Variants in SPSB4 observed in about 807,000 individuals in gnomAD.
SPSB4 encodes splA/ryanodine receptor domain and SOCS box containing 4.
Under a neutral mutation model 20.9 loss-of-function variants are expected in SPSB4, and 21 were observed. The ratio of observed to expected loss-of-function variants is 1.01; its 90% CI spans 0.71 to 1.45. SPSB4 has a LOEUF of 1.45. Ranked by LOEUF, SPSB4 falls within the 40% of genes most tolerant of loss-of-function variation. SPSB4 has a pLI of 0.00. For missense variants in SPSB4, 399 were observed against 399.2 expected, an observed-to-expected ratio of 1.00 and a Z score of 0.00; for synonymous variants, 207 against 183.8, an observed-to-expected ratio of 1.13 and a Z score of -1.02.
intron 1 of SPSB4, among the ~76,000 whole-genome samples, chr3:141,061,036 T>C (rs1411947402): frequency 1.3e-5 from 2 of 152,252 alleles, no homozygotes; most frequent in African/African-American, 2.4e-5. Context: ...TTACAAGTGC[T>C]TTCAGCTACA....
chr3:141,111,961 T>C (rs1026733426), intron 2 of SPSB4, among the ~76,000 whole-genome samples: 7 of 152,140 alleles, frequency 4.6e-5, no homozygotes, highest in African/African-American at 1.7e-4. Flanking sequence ...GCTTCCCGTC[T>C]CTCCGCTAAA....
intron 2 of SPSB4, 141 bp from the exon 3 acceptor site, chr3:141,147,001 A>G: frequency 8.7e-7 from 1 of 1,148,618 alleles, no homozygotes; most frequent in Non-Finnish European, 1.2e-6. Context: ...ATGTAACCAG[A>G]GAAATCTTCT....
intron 2 of SPSB4, among the ~76,000 whole-genome samples, chr3:141,143,556 G>A (rs888328847): frequency 2.0e-5 from 3 of 152,230 alleles, no homozygotes; most frequent in Non-Finnish European, 4.4e-5. Context: ...AGAGTCTTTG[G>A]TTATAGATGT....
intron 2 of SPSB4, among the ~76,000 whole-genome samples, chr3:141,146,029 C>T (rs1376405197): frequency 6.6e-6 from 1 of 152,182 alleles, no homozygotes; most frequent in Admixed American, 6.5e-5. Flanking sequence ...ATATTACACT[C>T]TATTAAAATG....
chr3:141,054,861 A>C (rs1204658963), intron 1 of SPSB4, among the ~76,000 whole-genome samples: 1 of 151,970 alleles, frequency 6.6e-6, no homozygotes, highest in Non-Finnish European at 1.5e-5. Context: ...GCTGCTGGGG[A>C]GGCTGAGGCA....
chr3:141,116,058 T>C (rs375306630), intron 2 of SPSB4, among the ~76,000 whole-genome samples: 1 of 152,236 alleles, frequency 6.6e-6, no homozygotes, highest in Non-Finnish European at 1.5e-5. Context: ...GTTTATACTA[T>C]TTAGCAAGAG....
intron 2 of SPSB4, among the ~76,000 whole-genome samples, chr3:141,077,941 C>T (rs555644517): frequency 5.3e-4 from 80 of 152,328 alleles, no homozygotes; most frequent in African/African-American, 1.8e-3. Flanking sequence ...ATCAACTGCA[C>T]GTCTGCCATG....
At chr3:141,053,372 A>G (rs933062457) in intron 1 of SPSB4, among the ~76,000 whole-genome samples, 1 of 152,180 alleles carries the variant, frequency 6.6e-6, no homozygotes, top group Admixed American at 6.5e-5. Flanking sequence ...AAAGAATTTA[A>G]GCCACCTTTG....
intron 2 of SPSB4, among the ~76,000 whole-genome samples, chr3:141,134,073 T>TTTTTTTTTTTTTTTTTTG: frequency 6.8e-6 from 1 of 146,450 alleles, no homozygotes; most frequent in South Asian, 2.2e-4. Context: ...TTTTTTTTTT[T>TTTTTTTTTTTTTTTTTTG]TTGCAGCTGT....
chr3:141,119,480 A>C (rs1231067721), intron 2 of SPSB4, among the ~76,000 whole-genome samples: 2 of 152,028 alleles, frequency 1.3e-5, no homozygotes, highest in African/African-American at 4.8e-5. Flanking sequence ...AATACCCTTT[A>C]TTTCTTTCTC....
intron 2 of SPSB4, among the ~76,000 whole-genome samples, chr3:141,105,833 A>C (rs941659292): frequency 1.3e-5 from 2 of 152,252 alleles, no homozygotes; most frequent in Non-Finnish European, 2.9e-5. Context: ...TTTTTAAAAA[A>C]ATTTCTTTTC....
chr3:141,121,627 C>T (rs1202941727), intron 2 of SPSB4, among the ~76,000 whole-genome samples: 3 of 152,156 alleles, frequency 2.0e-5, no homozygotes, highest in Non-Finnish European at 2.9e-5. Context: ...ACTCTTTTTG[C>T]TCTAATCTTG....
Position 141,135,666 on chromosome 3 carries a change from A to G in SPSB4, c.695-11476A>G, listed in dbSNP as rs548326285. 1.7e-3 allele frequency among the ~76,000 whole-genome samples: 259 copies of G among 152,316 alleles called. 1 individual carries two copies. Among genetic ancestry groups the G allele is most frequent in the African/African-American group, 6.0e-3 (251 of 41,558 alleles). On this transcript the variant is annotated intron_variant, in intron 2 of 2. Transcript: ENST00000310546. ...CTTCATCCATTTCCCTACAAAGGAC[A>G]TGAACTCATCATTTTTTATGGCTGC...
chr3:141,126,487 C>T (rs1314330012), intron 2 of SPSB4, among the ~76,000 whole-genome samples: 1 of 152,184 alleles, frequency 6.6e-6, no homozygotes, highest in Non-Finnish European at 1.5e-5. Context: ...TTTTCTCCCA[C>T]TTTCCTTCAA....
At chr3:141,129,638 T>C (rs147937766) in intron 2 of SPSB4, among the ~76,000 whole-genome samples, 183 of 152,196 alleles carry the variant, frequency 1.2e-3, no homozygotes, top group Non-Finnish European at 2.2e-3. Context: ...AGACGCTGGG[T>C]AGGAGGGGTG....
At chr3:141,056,011 A>T (rs890527) in intron 1 of SPSB4, among the ~76,000 whole-genome samples, 139,941 of 152,064 alleles carry the variant, frequency 0.92, 65,409 homozygotes, top group Non-Finnish European at 1. Context: ...ATGCATGGAG[A>T]GAGAGAGTGA....
intron 2 of SPSB4, among the ~76,000 whole-genome samples, chr3:141,133,204 T>A (rs140340973): frequency 8.5e-5 from 13 of 152,354 alleles, no homozygotes; most frequent in African/African-American, 2.9e-4. Context: ...TTCTGGATAT[T>A]AGTCCTTTGT....
intron 2 of SPSB4, among the ~76,000 whole-genome samples, chr3:141,077,756 TGCA>T (rs1215239660): frequency 1.3e-5 from 2 of 152,214 alleles, no homozygotes; most frequent in African/African-American, 4.8e-5. Flanking sequence ...ACAGTGCTTA[TGCA>T]GAGGCCAGGC....
At position 141,066,592 on chromosome 3, in the gene SPSB4, C is replaced by G; in HGVS notation, c.488C>G (p.Ala163Gly). ...AACCAGCCCGGCGTGGCCTACCCGG[C>G]CTTTCTGGGGCCCGACGAGGCCTTT... Reference protein sequence around the residue: ...GKNQPGVAYPAFLGPDEAFAL... With the variant: ...GKNQPGVAYPGFLGPDEAFAL... Residue 163 changes from alanine (A) to glycine (G), a missense_variant, in exon 2 of 3, where the codon GCC becomes GGC. Ala to Gly is a moderately conservative substitution (Grantham distance 60, BLOSUM62 0). Coordinates refer to ENST00000310546, the MANE Select transcript of SPSB4 (RefSeq NM_080862.3). The G allele has an allele frequency of 1.3e-6, 2 of 1,572,480 alleles. No homozygotes were observed. Among genetic ancestry groups the G allele is most frequent in the Non-Finnish European group, 8.6e-7 (1 of 1,159,488 alleles).
Sources: gnomAD v4.1 joint callset for allele counts (sites outside exome capture counted in the v4.1 genomes callset) on GRCh38, gnomAD v4.1.1 for gene constraint, MANE v1.5 for transcripts, NCBI Gene and HGNC (gene_info 2026-07-23, HGNC 2026-07-21) for gene names.